Variants in TBC1D16 observed in about 807,000 individuals in gnomAD.
TBC1D16 encodes TBC1 domain family member 16.
TBC1D16 carries 58 observed loss-of-function variants against 74.7 expected under a neutral mutation model. The observed-to-expected ratio is 0.78, with a 90% CI of 0.63 to 0.97. The LOEUF (loss-of-function observed/expected upper bound fraction) is 0.97, where lower values mean the gene tolerates loss of function less well. TBC1D16 is among the 50% of genes least tolerant of loss of function. The pLI, the probability that TBC1D16 is intolerant of heterozygous loss-of-function variation, is 0.00. For missense variants in TBC1D16, 1,014 were observed against 1,079.5 expected (o/e 0.94, Z 0.85); for synonymous variants, 493 against 474.7 (o/e 1.04, Z -0.50).
intron 3 of TBC1D16, among the ~76,000 whole-genome samples, chr17:79,962,908 A>G (rs529510139): frequency 1.3e-5 from 2 of 152,252 alleles, no homozygotes; most frequent in Admixed American, 6.5e-5. Context: ...CTAAAAATAC[A>G]GAAATTAGCC....
rs1339328933 is a variant in TBC1D16, at chr17:79,937,949, C to G, written c.*2910G>C. The G allele has an allele frequency of 1.3e-5, 2 of 152,230 alleles. No individual in the cohort carries two copies. The highest frequency in any genetic ancestry group is 2.9e-5 in the Non-Finnish European group (2 of 68,046). The allele number at this position is 152,230 out of a possible 1,614,324, so 9.4% of individuals were successfully genotyped here. On this transcript the variant is annotated 3_prime_UTR_variant, in exon 12 of 12. Coordinates refer to ENST00000310924, the MANE Select transcript of TBC1D16 (RefSeq NM_019020.4). ...TTTTAAGTATGCGCACACACGTACG[C>G]CAGCCAATAACATTAAGTGTCATTT...
At chr17:79,960,018 T>G (rs187198786) in intron 3 of TBC1D16, among the ~76,000 whole-genome samples, 1 of 151,906 alleles carries the variant, frequency 6.6e-6, no homozygotes, top group East Asian at 1.9e-4. Flanking sequence ...ATACTATTGT[T>G]ACACAAAGGT....
rs1568632539 is a variant in TBC1D16 at position 80,009,846 on chromosome 17, G to A, written c.779+314C>T. ...ACAGAAGGGACCAGGACTCCCGGGG[G>A]CTTAGCCTTGGTCATGGGCCCATCA... On this transcript the variant is annotated intron_variant, in intron 3 of 11. Coordinates refer to ENST00000310924, the MANE Select transcript of TBC1D16 (RefSeq NM_019020.4). This position sits in a 1 kb window ranked among gnomAD's most constrained non-coding sequence, Gnocchi z 5.4. Among the ~76,000 whole-genome samples, 1 of 152,176 alleles carries A rather than the reference G, an allele frequency of 6.6e-6. No homozygotes were observed. Among genetic ancestry groups the A allele is most frequent in the South Asian group, 2.1e-4 (1 of 4,836 alleles).
At chr17:80,006,156 C>T (rs1007906071) in intron 3 of TBC1D16, among the ~76,000 whole-genome samples, 4 of 152,204 alleles carry the variant, frequency 2.6e-5, no homozygotes, top group African/African-American at 9.6e-5. Context: ...GCCCTGACAC[C>T]CCTCCCCACC....
chr17:80,034,576 G>A (rs745927132), intron 1 of TBC1D16, among the ~76,000 whole-genome samples: 4 of 152,110 alleles, frequency 2.6e-5, no homozygotes. Flanking sequence ...AAAAATATGC[G>A]CACAATAACC....
chr17:79,999,794 T>C (rs1377033484), intron 3 of TBC1D16, among the ~76,000 whole-genome samples: 2 of 152,080 alleles, frequency 1.3e-5, no homozygotes, highest in Non-Finnish European at 2.9e-5. Context: ...TCCGCCCGCC[T>C]TGGGCTCTCA....
rs1298980249 is a variant in TBC1D16 at position 80,012,328 on chromosome 17, G to A, written c.181+1039C>T. On this transcript the variant is annotated intron_variant, in intron 2 of 11. Transcript: ENST00000310924. Reference sequence around the variant, plus strand: ...CACCCTCAGGCCAGGCAACCTCCGGGTCGAGGGGCCGCATCGCCCAGAACC... The same window carrying A: ...CACCCTCAGGCCAGGCAACCTCCGGATCGAGGGGCCGCATCGCCCAGAACC... 3.3e-5 allele frequency among the ~76,000 whole-genome samples: 5 copies of A among 152,166 alleles called. No individual in the cohort carries two copies. In the South Asian group the frequency reaches 1.0e-3, roughly 32 times the overall value.
rs1300556498 is a variant in TBC1D16, at chr17:79,980,546, G to A, written c.780-27728C>T. ...CCCTGAAGATCACCAGGCCCAGTCT[G>A]TTCCTCTCCCTAACCAGGACACTGT... On this transcript the variant is annotated intron_variant, in intron 3 of 11. Transcript: ENST00000310924. The surrounding 1 kb of genome is among the most constrained non-coding windows in gnomAD (Gnocchi z 7.0). Among the ~76,000 whole-genome samples, 1 of 152,192 alleles carries A rather than the reference G, an allele frequency of 6.6e-6. No homozygotes were observed. Among genetic ancestry groups the A allele is most frequent in the South Asian group, 2.1e-4 (1 of 4,824 alleles).
chr17:79,939,527 T>A lies in TBC1D16; in HGVS notation c.*1332A>T, dbSNP rs2031823400. 6.6e-6 allele frequency: 1 copy of A among 152,130 alleles called. No individual in the cohort carries two copies. The highest frequency in any genetic ancestry group is 2.1e-4 in the South Asian group (1 of 4,812). 9.4% of individuals were successfully genotyped at this position (152,130 alleles called of 1,614,324 possible). ...GTTCTCAGCACATCAAGGGTTTTTC[T>A]CCCCAGAAGGACGCGATGGAGGATT... On this transcript the variant is annotated 3_prime_UTR_variant, in exon 12 of 12. Transcript: ENST00000310924.
chr17:79,962,290 C>T (rs867641040), intron 3 of TBC1D16, among the ~76,000 whole-genome samples: 5 of 135,156 alleles, frequency 3.7e-5, no homozygotes, highest in Non-Finnish European at 7.6e-5. Context: ...TCTTGGCTCA[C>T]TGCAACCTCC....
intron 1 of TBC1D16, among the ~76,000 whole-genome samples, chr17:80,025,129 ACACC>A (rs370616852): frequency 0.21 from 20,035 of 94,078 alleles, 9,357 homozygotes; most frequent in South Asian, 0.24. Flanking sequence ...AGACACACAC[ACACC>A]ATAGGCACAC....
rs1477855603 is a variant in TBC1D16 at position 79,944,534 on chromosome 17, G to A, written c.1908+374C>T. Among the ~76,000 whole-genome samples the A allele has an allele frequency of 1.3e-5, 2 of 152,204 alleles. No individual in the cohort carries two copies. Among genetic ancestry groups the A allele is most frequent in the Non-Finnish European group, 2.9e-5 (2 of 68,026 alleles). On this transcript the variant is annotated intron_variant, in intron 10 of 11. Coordinates refer to ENST00000310924, the MANE Select transcript of TBC1D16 (RefSeq NM_019020.4). The surrounding 1 kb of genome is among the most constrained non-coding windows in gnomAD (Gnocchi z 7.7). ...GGTAACGGGTGAGTCGGCCCTCGTG[G>A]CAGGGCGGTCCCGAGGGGGTGGAGC...
At chr17:79,958,323 G>A (rs1006100093) in intron 3 of TBC1D16, among the ~76,000 whole-genome samples, 19 of 151,614 alleles carry the variant, frequency 1.3e-4, no homozygotes, top group African/African-American at 4.1e-4. Context: ...GGGTTCAAGC[G>A]ATTCTCCTGC....
At position 79,944,186 on chromosome 17, in the gene TBC1D16, C is replaced by G; in HGVS notation, c.1908+722G>C. ...GGTGTTTGCCTCCATCTTCAGGGTT[C>G]TCTGACGGAGGCTGCTGGAGCTGCC... On this transcript the variant is annotated intron_variant, in intron 10 of 11. Transcript: ENST00000310924. The surrounding 1 kb of genome is among the most constrained non-coding windows in gnomAD (Gnocchi z 7.7). 1 of 1,525,838 alleles carries G rather than the reference C, an allele frequency of 6.6e-7. No individual in the cohort carries two copies. Among genetic ancestry groups the G allele is most frequent in the South Asian group, 1.2e-5 (1 of 83,788 alleles). 94.5% of individuals were successfully genotyped at this position (1,525,838 alleles called of 1,614,324 possible). A position where few individuals can be genotyped will look rare whatever the true frequency, so the allele number is the denominator to read the frequency against.
At position 79,941,106 on chromosome 17, in the gene TBC1D16, G is replaced by A. The variant is rs1297553462; in HGVS notation, c.2057C>T (p.Ala686Val). ...GCGGAACTGGTACAGCAAACTCCTCGCCTGCAGACAGAGGACGGGGGGTGA... is the reference window on the plus strand; with the variant it reads ...GCGGAACTGGTACAGCAAACTCCTCACCTGCAGACAGAGGACGGGGGGTGA... ...HMNGELVLRK[A>V]RSLLYQFRLL... The change falls in exon 12 of 12, where the codon GCG becomes GTG. Residue 686 changes from alanine to valine, a missense_variant and splice_region_variant. Transcript: ENST00000310924. This position sits in a 1 kb window ranked among gnomAD's most constrained non-coding sequence, Gnocchi z 4.3. The A allele has an allele frequency of 3.2e-6, 5 of 1,569,298 alleles. No individual in the cohort carries two copies. The highest frequency in any genetic ancestry group is 1.7e-4 in the Middle Eastern group (1 of 5,852).
rs771570490 is a variant in TBC1D16, at chr17:79,948,964, A to G, written c.1449T>C (p.Asn483=). 2 of 1,614,162 alleles carry G rather than the reference A, an allele frequency of 1.2e-6. No individual in the cohort carries two copies. Among genetic ancestry groups the G allele is most frequent in the South Asian group, 2.2e-5 (2 of 91,086 alleles). ...TPEEHRAFWR[N]VQFTVDKDVV... ...CGTCTTTGTCCACAGTGAACTGCAC[A>G]TTACGCCAGAACGCTCTGTGCTCCT... The change falls in exon 8 of 12, where the codon AAT becomes AAC. Residue 483 remains asparagine, a synonymous_variant. Transcript: ENST00000310924.
Position 80,010,540 on chromosome 17 carries a change from G to C in TBC1D16, c.399C>G (p.Thr133=). The C allele has an allele frequency of 1.2e-5, 19 of 1,610,286 alleles. No individual in the cohort carries two copies. The highest frequency in any genetic ancestry group is 1.6e-5 in the Non-Finnish European group (19 of 1,178,760). The change falls in exon 3 of 12, where the codon ACC becomes ACG. Residue 133 remains threonine, a synonymous_variant. Coordinates refer to ENST00000310924, the MANE Select transcript of TBC1D16 (RefSeq NM_019020.4). This position sits in a 1 kb window ranked among gnomAD's most constrained non-coding sequence, Gnocchi z 8.8. The part of the protein sequence containing the change: ...HQPSPTELRP[T]LTPKDEDILV... ...GGATGTCCTCATCTTTGGGGGTCAGGGTAGGCCGCAGCTCCGTCGGGGAGG... is the reference window on the plus strand; with the variant it reads ...GGATGTCCTCATCTTTGGGGGTCAGCGTAGGCCGCAGCTCCGTCGGGGAGG...
Position 79,940,796 on chromosome 17 carries a change from C to G in TBC1D16, c.*63G>C. ...GTCCCCTTCACGCCCAGCCCCACCCCCTCCCGTGCCCAGGGCCTCTGAGGA... is the reference window on the plus strand; with the variant it reads ...GTCCCCTTCACGCCCAGCCCCACCCGCTCCCGTGCCCAGGGCCTCTGAGGA... On this transcript the variant is annotated 3_prime_UTR_variant, in exon 12 of 12. Coordinates refer to ENST00000310924, the MANE Select transcript of TBC1D16 (RefSeq NM_019020.4). This position sits in a 1 kb window ranked among gnomAD's most constrained non-coding sequence, Gnocchi z 5.4. 3 of 1,449,038 alleles carry G rather than the reference C, an allele frequency of 2.1e-6. No individual in the cohort carries two copies. The highest frequency in any genetic ancestry group is 2.4e-5 in the East Asian group (1 of 40,900). The allele number at this position is 1,449,038 out of a possible 1,614,324, so 89.8% of individuals were successfully genotyped here.
At chr17:79,976,446 C>T (rs2034333718) in intron 3 of TBC1D16, among the ~76,000 whole-genome samples, 1 of 152,168 alleles carries the variant, frequency 6.6e-6, no homozygotes, top group Admixed American at 6.5e-5. Context: ...AGGCTAGAGT[C>T]ACGGTATTGT....
Sources: allele counts gnomAD v4.1 joint callset (sites outside exome capture counted in the v4.1 genomes callset), GRCh38; gene constraint gnomAD v4.1.1; non-coding constraint Gnocchi (gnomAD v3.1); transcripts MANE v1.5; gene names NCBI Gene and HGNC (gene_info 2026-07-23, HGNC 2026-07-21).